PKIG: variants seen among roughly 807,000 people sequenced by gnomAD.
PKIG encodes the protein cAMP-dependent protein kinase inhibitor gamma, also known as protein kinase (cAMP-dependent, catalytic) inhibitor gamma.
A neutral mutation model predicts 6.8 loss-of-function variants in PKIG; 1 was observed. That is an observed-to-expected ratio of 0.15 (90% CI 0.05 to 0.69). The LOEUF is 0.69. Among genes scored for constraint, PKIG ranks in the 30% least tolerant of loss-of-function variants. The probability of loss-of-function intolerance (pLI) is 0.82; values close to 1 mark genes in which losing one functional copy is unlikely to be tolerated. For missense variants in PKIG, 77 were observed against 104.0 expected (o/e 0.74, Z 1.13); for synonymous variants, 39 against 43.0 (o/e 0.91, Z 0.36).
intron 1 of PKIG, among the ~76,000 whole-genome samples, chr20:44,565,884 T>A (rs2064806395): frequency 6.6e-6 from 1 of 152,192 alleles, no homozygotes; most frequent in African/African-American, 2.4e-5. Context: ...CTCCTCAGCC[T>A]CTCGCGTAGC....
chr20:44,575,055 G>T (rs1403641855), intron 1 of PKIG, among the ~76,000 whole-genome samples: 1 of 151,564 alleles, frequency 6.6e-6, no homozygotes, highest in Non-Finnish European at 1.5e-5. Context: ...TGACTCATCA[G>T]TTTTTTGTTT....
intron 2 of PKIG, among the ~76,000 whole-genome samples, chr20:44,610,935 A>C (rs1330620240): frequency 6.6e-6 from 1 of 152,038 alleles, no homozygotes; most frequent in Non-Finnish European, 1.5e-5. Context: ...GTTTTGATAC[A>C]TATATGTTGT....
intron 2 of PKIG, among the ~76,000 whole-genome samples, chr20:44,593,597 A>G (rs560846665): frequency 1.4e-4 from 21 of 152,290 alleles, no homozygotes; most frequent in Non-Finnish European, 2.2e-4. Context: ...CAGAGAGAGT[A>G]GAAGGGTTGT....
intron 1 of PKIG, among the ~76,000 whole-genome samples, chr20:44,557,250 G>A (rs144514098): frequency 3.3e-4 from 50 of 152,158 alleles, no homozygotes; most frequent in Middle Eastern, 3.4e-3. Context: ...TGGGCTGGGC[G>A]CGGTGGCTCA....
intron 2 of PKIG, among the ~76,000 whole-genome samples, chr20:44,607,421 G>C (rs1164551823): frequency 7.3e-6 from 1 of 136,988 alleles, no homozygotes; most frequent in Non-Finnish European, 1.5e-5. Flanking sequence ...CTGTCACCCA[G>C]GCTGGAGTGC....
rs1198768675 is a variant in PKIG, at chr20:44,614,078, AGCCTTGATCAG to A, written c.-23-454_-23-444del. On this transcript the variant is annotated intron_variant, in intron 2 of 3. Coordinates refer to ENST00000372886, the MANE Select transcript of PKIG (RefSeq NM_001281445.2). The surrounding 1 kb of genome is among the most constrained non-coding windows in gnomAD (Gnocchi z 4.6). ...GCTAAAATGTCACTTTGTGACCCCCAGCCTTGATCAGGTCCCAGTGATCACTCCAGCACCCT... is the reference window on the plus strand; with the variant it reads ...GCTAAAATGTCACTTTGTGACCCCCAGTCCCAGTGATCACTCCAGCACCCT... 2.0e-5 allele frequency among the ~76,000 whole-genome samples: 3 copies of A among 152,086 alleles called. No homozygotes were observed. The highest frequency in any genetic ancestry group is 7.2e-5 in the African/African-American group (3 of 41,408).
chr20:44,579,191 C>T (rs1326124423), upstream of PKIG, among the ~76,000 whole-genome samples: 1 of 152,110 alleles, frequency 6.6e-6, no homozygotes. Flanking sequence ...GAAAAAAGAC[C>T]TGCCCCCAAC....
chr20:44,590,631 C>A (rs1406758600), intron 2 of PKIG, among the ~76,000 whole-genome samples: 2 of 152,212 alleles, frequency 1.3e-5, no homozygotes, highest in Non-Finnish European at 2.9e-5. Context: ...TTTTCACCCA[C>A]CAGGCATCCA....
rs562265461 is a variant in PKIG at position 44,614,545 on chromosome 20, G to T, written c.-12G>T. ...TTCTGTCCCCACAGGCCTGAGGAGC[G>T]ATGCGACAGGCATGATGGAGGTCGA... On this transcript the variant is annotated 5_prime_UTR_variant, in exon 3 of 4. Coordinates refer to ENST00000372886, the MANE Select transcript of PKIG (RefSeq NM_001281445.2). The surrounding 1 kb of genome is among the most constrained non-coding windows in gnomAD (Gnocchi z 4.6). 4.5e-5 allele frequency: 72 copies of T among 1,613,414 alleles called. No individual in the cohort carries two copies. The African/African-American group carries it at 6.3e-4, about 14-fold the overall frequency.
chr20:44,538,073 G>A (rs2064529011), intron 1 of PKIG, among the ~76,000 whole-genome samples: 2 of 152,110 alleles, frequency 1.3e-5, no homozygotes, highest in Non-Finnish European at 2.9e-5. Flanking sequence ...AAGGTATACA[G>A]TGTCATATTA....
chr20:44,551,121 G>A (rs574194227), intron 1 of PKIG, among the ~76,000 whole-genome samples: 4 of 151,920 alleles, frequency 2.6e-5, no homozygotes, highest in African/African-American at 7.2e-5. Flanking sequence ...GGAGTGCAGT[G>A]ATGCTCACTG....
chr20:44,582,202 G>T (rs1186175626), upstream of PKIG, among the ~76,000 whole-genome samples: 2 of 152,146 alleles, frequency 1.3e-5, no homozygotes, highest in Non-Finnish European at 2.9e-5. Flanking sequence ...GTGGGGTGAA[G>T]ATCTCCACCC....
At chr20:44,613,900 C>T (rs1250678324) in intron 2 of PKIG, among the ~76,000 whole-genome samples, 2 of 152,224 alleles carry the variant, frequency 1.3e-5, no homozygotes, top group Non-Finnish European at 2.9e-5. Flanking sequence ...GTCATTGTCC[C>T]TCTTCTGCCA....
chr20:44,562,116 C>T (rs2064772230), intron 1 of PKIG, among the ~76,000 whole-genome samples: 1 of 150,296 alleles, frequency 6.7e-6, no homozygotes, highest in Admixed American at 6.6e-5. Flanking sequence ...CCCCACCTAC[C>T]CTGTCTCTAA....
chr20:44,562,256 C>T (rs893987153), intron 1 of PKIG, among the ~76,000 whole-genome samples: 3 of 152,110 alleles, frequency 2.0e-5, no homozygotes, highest in African/African-American at 7.2e-5. Context: ...AATGATAATA[C>T]TCTGATTAGG....
In PKIG at chr20:44,614,732, C is replaced by G. The variant is rs765546196; in HGVS notation, c.151+25C>G. The G allele has an allele frequency of 1.9e-6, 3 of 1,612,166 alleles. No homozygotes were observed. Among genetic ancestry groups the G allele is most frequent in the Non-Finnish European group, 2.5e-6 (3 of 1,179,390 alleles). On this transcript the variant is annotated intron_variant, in intron 3 of 3. Coordinates refer to ENST00000372886, the MANE Select transcript of PKIG (RefSeq NM_001281445.2). This position sits in a 1 kb window ranked among gnomAD's most constrained non-coding sequence, Gnocchi z 4.6. ...GGTTAGAGCCAGCAGGTCCTTGGCA[C>G]TACTGCATGCCAGAGGCCCTCTGCC...
At chr20:44,596,890 T>C (rs1295345275) in intron 2 of PKIG, among the ~76,000 whole-genome samples, 1 of 152,188 alleles carries the variant, frequency 6.6e-6, no homozygotes, top group African/African-American at 2.4e-5. Flanking sequence ...AAGTCTGCTC[T>C]TTGCCCCTCA....
chr20:44,567,480 T>C (rs751546620), intron 1 of PKIG, among the ~76,000 whole-genome samples: 13 of 152,258 alleles, frequency 8.5e-5, no homozygotes, highest in Non-Finnish European at 1.8e-4. Context: ...ATTTTCCTTT[T>C]CTTCAGCTAT....
In PKIG at chr20:44,593,519, A is replaced by G. The variant is rs572657397; in HGVS notation, c.-24+3653A>G. Among the ~76,000 whole-genome samples the G allele has an allele frequency of 2.0e-4, 30 of 152,250 alleles. No homozygotes were observed. In the South Asian group the frequency reaches 5.8e-3, roughly 29 times the overall value. ...ATAGGGCAGACACAGAAAGACAAAT[A>G]CTACAGGATCTCAGTTATATGTGGA... On this transcript the variant is annotated intron_variant, in intron 2 of 3. Coordinates refer to ENST00000372886, the MANE Select transcript of PKIG (RefSeq NM_001281445.2).
Sources: gnomAD v4.1 joint callset for allele counts (sites outside exome capture counted in the v4.1 genomes callset) on GRCh38, gnomAD v4.1.1 for gene constraint, Gnocchi (gnomAD v3.1) non-coding constraint, MANE v1.5 for transcripts, NCBI Gene and HGNC (gene_info 2026-07-23, HGNC 2026-07-21) for gene names.